The following PDE1A variants were observed in gnomAD, a reference collection of about 807,000 sequenced individuals.
The protein encoded by PDE1A is phosphodiesterase 1A.
A neutral mutation model predicts 61.7 loss-of-function variants in PDE1A; 35 were observed. The observed-to-expected ratio is 0.57, with a 90% CI of 0.43 to 0.75. The LOEUF is 0.75. Among genes scored for constraint, PDE1A ranks in the 30% least tolerant of loss-of-function variants. The pLI, the probability that PDE1A is intolerant of heterozygous loss-of-function variation, is 0.00. For missense variants in PDE1A, 597 were observed against 630.6 expected, an observed-to-expected ratio of 0.95 and a Z score of 0.57; for synonymous variants, 232 against 213.2, an observed-to-expected ratio of 1.09 and a Z score of -0.77.
At chr2:182,590,465 C>G in the PDE1A span, among the ~76,000 whole-genome samples, 2 of 151,480 alleles carry the variant, frequency 1.3e-5, no homozygotes, top group East Asian at 3.9e-4. Context: ...CAGACCCTGT[C>G]TCAAAAAAAA....
the PDE1A span, among the ~76,000 whole-genome samples, chr2:182,574,941 C>T: frequency 6.6e-6 from 1 of 152,180 alleles, no homozygotes; most frequent in African/African-American, 2.4e-5. Flanking sequence ...CTGCCCACCT[C>T]AGCCTCCCAA....
chr2:182,305,207 A>C (rs1695500502), intron 1 of PDE1A, among the ~76,000 whole-genome samples: 1 of 152,090 alleles, frequency 6.6e-6, no homozygotes, highest in Non-Finnish European at 1.5e-5. Flanking sequence ...ACTAAATTCA[A>C]ATCTTTTTTT....
the PDE1A span, among the ~76,000 whole-genome samples, chr2:182,600,449 A>C: frequency 6.6e-6 from 1 of 152,236 alleles, no homozygotes; most frequent in Non-Finnish European, 1.5e-5. Flanking sequence ...GCTGAAAAAA[A>C]ATATTGAGTT....
At chr2:182,300,189 T>A (rs1695149557) in intron 1 of PDE1A, among the ~76,000 whole-genome samples, 1 of 152,180 alleles carries the variant, frequency 6.6e-6, no homozygotes, top group South Asian at 2.1e-4. Flanking sequence ...TATTCACTGA[T>A]CTGTTCATCA....
Position 182,257,977 on chromosome 2 carries a change from C to T in PDE1A, c.167+6324G>A, listed in dbSNP as rs564521711. Among the ~76,000 whole-genome samples, 4 of 152,228 alleles carry T rather than the reference C, an allele frequency of 2.6e-5. No individual in the cohort carries two copies. The South Asian group carries it at 6.2e-4, about 24-fold the overall frequency. ...GGTCAGGAGATCGAGACCACCCTGGCTAACACGGTGAAACCCCATCTCTAG... is the reference window on the plus strand; with the variant it reads ...GGTCAGGAGATCGAGACCACCCTGGTTAACACGGTGAAACCCCATCTCTAG... On this transcript the variant is annotated intron_variant, in intron 2 of 13. Transcript: ENST00000351439.
At chr2:182,615,679 G>A in the PDE1A span, among the ~76,000 whole-genome samples, 2 of 152,160 alleles carry the variant, frequency 1.3e-5, no homozygotes, top group African/African-American at 4.8e-5. Flanking sequence ...AGGTTGGGAA[G>A]CTCAATATCA....
At chr2:182,602,848 T>A in the PDE1A span, among the ~76,000 whole-genome samples, 1 of 152,196 alleles carries the variant, frequency 6.6e-6, no homozygotes, top group Non-Finnish European at 1.5e-5. Flanking sequence ...GTGGCTTTCA[T>A]GAAACTGAAG....
intron 1 of PDE1A, among the ~76,000 whole-genome samples, chr2:182,264,889 A>ATATATATATATATATG (rs1223035626): frequency 1.2e-4 from 17 of 140,234 alleles, no homozygotes; most frequent in South Asian, 7.1e-4. Flanking sequence ...ATATATATAT[A>ATATATATATATATATG]TATGTATATA....
the PDE1A span, among the ~76,000 whole-genome samples, chr2:182,714,642 G>A: frequency 6.6e-6 from 1 of 151,792 alleles, no homozygotes; most frequent in Non-Finnish European, 1.5e-5. Flanking sequence ...TTGGCTCACT[G>A]CAACCTCTGT....
At chr2:182,504,528 T>C (rs1689279249) in intron 2 of PDE1A, among the ~76,000 whole-genome samples, 1 of 152,212 alleles carries the variant, frequency 6.6e-6, no homozygotes, top group South Asian at 2.1e-4. Flanking sequence ...AATTGGAAAG[T>C]ATATATAATA....
chr2:182,634,690 A>T, the PDE1A span, among the ~76,000 whole-genome samples: 1 of 152,208 alleles, frequency 6.6e-6, no homozygotes, highest in Non-Finnish European at 1.5e-5. Flanking sequence ...GTACTCAGAG[A>T]AAAAAACAAG....
At chr2:182,715,090 T>C in the PDE1A span, among the ~76,000 whole-genome samples, 1 of 152,136 alleles carries the variant, frequency 6.6e-6, no homozygotes, top group Non-Finnish European at 1.5e-5. Context: ...TTTCTGTTTG[T>C]TTTTCAATTT....
At chr2:182,471,486 T>C (rs1687025511) in intron 2 of PDE1A, among the ~76,000 whole-genome samples, 2 of 151,764 alleles carry the variant, frequency 1.3e-5, no homozygotes, top group African/African-American at 4.8e-5. Context: ...AACTAGTTTT[T>C]GAGTGTAGGA....
the PDE1A span, among the ~76,000 whole-genome samples, chr2:182,652,207 T>G: frequency 6.6e-6 from 1 of 152,208 alleles, no homozygotes; most frequent in South Asian, 2.1e-4. Flanking sequence ...TCTTTGCCAA[T>G]GTTTTCTCCT....
chr2:182,218,511 A>C (rs1574754235), intron 7 of PDE1A, among the ~76,000 whole-genome samples: 1 of 152,126 alleles, frequency 6.6e-6, no homozygotes, highest in Non-Finnish European at 1.5e-5. Context: ...GAACTTATTT[A>C]TCCCATCTAA....
At chr2:182,586,182 A>G in the PDE1A span, among the ~76,000 whole-genome samples, 2 of 152,226 alleles carry the variant, frequency 1.3e-5, no homozygotes, top group Non-Finnish European at 2.9e-5. Context: ...CAAATAGAAT[A>G]TTATTTTTTT....
At chr2:182,296,160 C>T (rs960342986) in intron 1 of PDE1A, among the ~76,000 whole-genome samples, 4 of 152,080 alleles carry the variant, frequency 2.6e-5, no homozygotes, top group African/African-American at 9.7e-5. Flanking sequence ...GGAATAAGGC[C>T]AAAAAACACT....
intron 2 of PDE1A, among the ~76,000 whole-genome samples, chr2:182,251,003 A>G (rs1041983875): frequency 6.6e-6 from 1 of 152,160 alleles, no homozygotes; most frequent in Admixed American, 6.5e-5. Flanking sequence ...TGGAATTGGG[A>G]TTAATGGGTG....
chr2:182,560,004 G>T, the PDE1A span, among the ~76,000 whole-genome samples: 1 of 151,802 alleles, frequency 6.6e-6, no homozygotes, highest in African/African-American at 2.4e-5. Flanking sequence ...TGTGGGGGAA[G>T]AGAAGCATTA....
Sources: allele counts gnomAD v4.1 joint callset (sites outside exome capture counted in the v4.1 genomes callset), GRCh38; gene constraint gnomAD v4.1.1; transcripts MANE v1.5; gene names NCBI Gene and HGNC (gene_info 2026-07-23, HGNC 2026-07-21).